OSCP1: variants seen among roughly 807,000 people sequenced by gnomAD.
OSCP1 encodes the protein protein OSCP1.
Under a neutral mutation model 45.1 loss-of-function variants are expected in OSCP1, and 35 were observed. The observed-to-expected ratio is 0.78, with a 90% CI of 0.59 to 1.03. The LOEUF is 1.03. Ranked by LOEUF, OSCP1 falls within the 50% of genes least tolerant of loss-of-function variation. OSCP1 has a pLI of 0.00. For missense variants in OSCP1, 400 were observed against 470.7 expected, an observed-to-expected ratio of 0.85 and a Z score of 1.39; for synonymous variants, 179 against 180.1, an observed-to-expected ratio of 0.99 and a Z score of 0.05.
chr1:36,423,251 G>A lies in OSCP1; in HGVS notation c.620+112C>T. Reference sequence around the variant, plus strand: ...TTCAATAGCTGTTTTACTGAAGAAAGAGAAGGGCTGGGCAGACTGTGAGTG... The same window carrying A: ...TTCAATAGCTGTTTTACTGAAGAAAAAGAAGGGCTGGGCAGACTGTGAGTG... On this transcript the variant is annotated intron_variant, in intron 5 of 9. Transcript: ENST00000235532. 9 of 919,336 alleles carry A rather than the reference G, an allele frequency of 9.8e-6. No individual in the cohort carries two copies. The South Asian group carries it at 1.2e-4, about 12-fold the overall frequency. The allele number at this position is 919,336 out of a possible 1,614,324, so 56.9% of individuals were successfully genotyped here.
intron 2 of OSCP1, among the ~76,000 whole-genome samples, chr1:36,438,293 G>T (rs551812852): frequency 9.1e-4 from 125 of 137,480 alleles, no homozygotes; most frequent in African/African-American, 3.2e-3. Context: ...CTCCAGCCTG[G>T]GCAACAAGAG....
intron 1 of OSCP1, among the ~76,000 whole-genome samples, chr1:36,445,150 G>A (rs1649439313): frequency 6.6e-6 from 1 of 152,208 alleles, no homozygotes; most frequent in Non-Finnish European, 1.5e-5. Context: ...AGGAGTTCGA[G>A]ACCAGCCTGG....
intron 4 of OSCP1, among the ~76,000 whole-genome samples, chr1:36,424,036 C>G (rs1317043063): frequency 2.0e-5 from 3 of 152,036 alleles, no homozygotes; most frequent in Non-Finnish European, 4.4e-5. Context: ...ACCTCAGCCC[C>G]GCCAGCTCAC....
chr1:36,428,283 C>T, intron 4 of OSCP1: 1 of 1,589,594 alleles, frequency 6.3e-7, no homozygotes, highest in Non-Finnish European at 8.6e-7. Flanking sequence ...TACAATAAGG[C>T]ACTAAATACA....
chr1:36,419,538 T>C lies in OSCP1; in HGVS notation c.960-484A>G, dbSNP rs544469337. On this transcript the variant is annotated intron_variant, in intron 8 of 9. Coordinates refer to ENST00000235532, the MANE Select transcript of OSCP1 (RefSeq NM_145047.5). ...ACAAAAGAAGTTATTAATAGTTCAA[T>C]GAAAGGTGACACTCACGCCAAATAC... Among the ~76,000 whole-genome samples the C allele has an allele frequency of 1.1e-4, 17 of 152,324 alleles. No homozygotes were observed. The East Asian group carries it at 2.9e-3, about 26-fold the overall frequency.
At chr1:36,424,094 G>A (rs923220244) in intron 4 of OSCP1, among the ~76,000 whole-genome samples, 1 of 152,036 alleles carries the variant, frequency 6.6e-6, no homozygotes, top group Non-Finnish European at 1.5e-5. Context: ...ACAGGTGTGA[G>A]CCACTGTGCC....
intron 1 of OSCP1, among the ~76,000 whole-genome samples, chr1:36,446,145 C>T (rs1470765464): frequency 6.6e-6 from 1 of 152,106 alleles, no homozygotes; most frequent in East Asian, 1.9e-4. Flanking sequence ...GCCTCAGCCT[C>T]CTGAGTCGCT....
chr1:36,422,954 C>T lies in OSCP1; in HGVS notation c.621-58G>A, dbSNP rs929545817. ...CTCCAAGCTTAGGTAGTCCTGGAGGCTTCTTTATTCTTTGTACTACAGAAC... is the reference window on the plus strand; with the variant it reads ...CTCCAAGCTTAGGTAGTCCTGGAGGTTTCTTTATTCTTTGTACTACAGAAC... On this transcript the variant is annotated intron_variant, in intron 5 of 9. Transcript: ENST00000235532. 6.3e-6 allele frequency: 9 copies of T among 1,433,278 alleles called. No homozygotes were observed. The Middle Eastern group carries it at 9.4e-4, about 150-fold the overall frequency. The allele number at this position is 1,433,278 out of a possible 1,614,324, so 88.8% of individuals were successfully genotyped here.
chr1:36,430,088 C>T (rs144558986), intron 4 of OSCP1, among the ~76,000 whole-genome samples: 76 of 151,594 alleles, frequency 5.0e-4, no homozygotes, highest in Non-Finnish European at 9.6e-4. Flanking sequence ...TGAGCCACTG[C>T]GCCCAGCCTA....
chr1:36,432,639 T>A, intron 2 of OSCP1, 50 bp from the exon 3 acceptor site: 1 of 1,607,804 alleles, frequency 6.2e-7, no homozygotes, highest in Non-Finnish European at 8.5e-7. Flanking sequence ...CAAAATCAGG[T>A]GTGAGAATCT....
At chr1:36,445,537 G>A (rs1649465841) in intron 1 of OSCP1, among the ~76,000 whole-genome samples, 1 of 152,180 alleles carries the variant, frequency 6.6e-6, no homozygotes, top group African/African-American at 2.4e-5. Context: ...GTCCTAACCG[G>A]CTGCAAAGGG....
rs1269223659 is a variant in OSCP1, at chr1:36,427,291, C to T, written c.517-3825G>A. On this transcript the variant is annotated intron_variant, in intron 4 of 9. Coordinates refer to ENST00000235532, the MANE Select transcript of OSCP1 (RefSeq NM_145047.5). ...TTGGGATTACAGGCGTGAGCCATGG[C>T]GCCTGGCCTTTTTTTTTTTTTTTGA... is the stretch of plus-strand genomic sequence containing the variant. Among the ~76,000 whole-genome samples, 11 of 78,238 alleles carry T rather than the reference C, an allele frequency of 1.4e-4. No individual in the cohort carries two copies. In the South Asian group the frequency reaches 2.5e-3, roughly 18 times the overall value. The allele number at this position is 78,238 out of a possible 152,430, so 51.3% of individuals were successfully genotyped here.
At chr1:36,436,104 A>ATTT (rs780346891) in intron 2 of OSCP1, among the ~76,000 whole-genome samples, 1 of 113,888 alleles carries the variant, frequency 8.8e-6, no homozygotes. Context: ...CTCTCTCTCT[A>ATTT]TTTTTTTTTT....
chr1:36,423,023 G>T (rs940992201), intron 5 of OSCP1, 127 bp from the exon 6 acceptor site: 1 of 525,084 alleles, frequency 1.9e-6, no homozygotes, highest in Non-Finnish European at 3.0e-6. Context: ...GGTGCTGGTT[G>T]TAATAATAAT....
intron 1 of OSCP1, among the ~76,000 whole-genome samples, chr1:36,446,061 C>T (rs1198967955): frequency 6.7e-6 from 1 of 148,806 alleles, no homozygotes; most frequent in Admixed American, 6.7e-5. Context: ...CTTGCTTTGT[C>T]GCCCAGGCTA....
chr1:36,442,506 T>G (rs1025806370), intron 1 of OSCP1, among the ~76,000 whole-genome samples: 9 of 152,214 alleles, frequency 5.9e-5, no homozygotes, highest in African/African-American at 2.2e-4. Context: ...TGTCAAACGA[T>G]GGTTGTGAAA....
intron 4 of OSCP1, 93 bp downstream of exon 4, chr1:36,431,709 A>G (rs1426793727): frequency 7.1e-6 from 9 of 1,271,356 alleles, no homozygotes; most frequent in Admixed American, 2.2e-5. Flanking sequence ...CTAACTGGGC[A>G]AAATCTCCGT....
chr1:36,442,811 C>T (rs1649281726), intron 1 of OSCP1, among the ~76,000 whole-genome samples: 1 of 151,564 alleles, frequency 6.6e-6, no homozygotes, highest in African/African-American at 2.4e-5. Context: ...TTTTTTTTTC[C>T]TGCCAGACCA....
intron 2 of OSCP1, among the ~76,000 whole-genome samples, chr1:36,436,098 C>G (rs1327884708): frequency 8.2e-6 from 1 of 122,196 alleles, no homozygotes; most frequent in African/African-American, 2.9e-5. Flanking sequence ...CTTTCTCTCT[C>G]TCTCTATTTT....
Sources: allele counts gnomAD v4.1 joint callset (sites outside exome capture counted in the v4.1 genomes callset), GRCh38; gene constraint gnomAD v4.1.1; transcripts MANE v1.5; gene names NCBI Gene and HGNC (gene_info 2026-07-23, HGNC 2026-07-21).